SLC24A3: variants seen among roughly 807,000 people sequenced by gnomAD.
The protein encoded by SLC24A3 is sodium/potassium/calcium exchanger 3.
Under a neutral mutation model 75.8 loss-of-function variants are expected in SLC24A3, and 28 were observed. The observed-to-expected ratio is 0.37, with a 90% CI of 0.27 to 0.51. The LOEUF is 0.51. Ranked by LOEUF, SLC24A3 falls within the 20% of genes least tolerant of loss-of-function variation. SLC24A3 has a pLI of 0.94. For missense variants in SLC24A3, 663 were observed against 847.8 expected (o/e 0.78, Z 2.71); for synonymous variants, 372 against 334.1 (o/e 1.11, Z -1.24).
At chr20:19,281,328 G>A (rs890457321) in intron 2 of SLC24A3, among the ~76,000 whole-genome samples, 13 of 152,190 alleles carry the variant, frequency 8.5e-5, no homozygotes, top group African/African-American at 2.2e-4. Flanking sequence ...CTCCTGATGC[G>A]GTACTGAGAT....
At chr20:19,429,905 C>T (rs751428289) in intron 2 of SLC24A3, among the ~76,000 whole-genome samples, 6 of 152,084 alleles carry the variant, frequency 3.9e-5, no homozygotes, top group Admixed American at 1.3e-4. Context: ...TTTTTAATCT[C>T]GAGCTACAGT....
chr20:19,701,126 CA>C (rs2032866865), intron 15 of SLC24A3, among the ~76,000 whole-genome samples: 1 of 152,164 alleles, frequency 6.6e-6, no homozygotes, highest in Non-Finnish European at 1.5e-5. Context: ...TTGAGCCTTT[CA>C]CATGTCTGTC....
intron 2 of SLC24A3, among the ~76,000 whole-genome samples, chr20:19,396,470 C>G (rs887827572): frequency 2.0e-5 from 3 of 152,150 alleles, no homozygotes; most frequent in Non-Finnish European, 4.4e-5. Context: ...TCTTCAAAAT[C>G]TGATGTATAT....
At chr20:19,433,145 G>A (rs905836916) in intron 2 of SLC24A3, among the ~76,000 whole-genome samples, 3 of 152,138 alleles carry the variant, frequency 2.0e-5, no homozygotes, top group Non-Finnish European at 2.9e-5. Context: ...CCCTTTCTCC[G>A]CAATGTATCA....
chr20:19,552,374 C>A (rs976285976), intron 3 of SLC24A3, among the ~76,000 whole-genome samples: 1 of 152,224 alleles, frequency 6.6e-6, no homozygotes, highest in Non-Finnish European at 1.5e-5. Flanking sequence ...CGCCCAGCAA[C>A]TAGGGGAGAG....
At chr20:19,652,431 T>C (rs2032216511) in intron 6 of SLC24A3, among the ~76,000 whole-genome samples, 1 of 152,216 alleles carries the variant, frequency 6.6e-6, no homozygotes, top group African/African-American at 2.4e-5. Context: ...TTTAATCTAT[T>C]GCATAAATGG....
chr20:19,697,075 G>C (rs2032817681), intron 14 of SLC24A3, among the ~76,000 whole-genome samples, 164 bp downstream of exon 14: 1 of 151,700 alleles, frequency 6.6e-6, no homozygotes, highest in Non-Finnish European at 1.5e-5. Flanking sequence ...AGGAAGGAAG[G>C]GAGGAAGTCA....
intron 1 of SLC24A3, among the ~76,000 whole-genome samples, chr20:19,263,785 T>C (rs1983071295): frequency 6.6e-6 from 1 of 152,194 alleles, no homozygotes; most frequent in South Asian, 2.1e-4. Flanking sequence ...GGCCAAAGAA[T>C]AGGAAAAAGT....
intron 7 of SLC24A3, among the ~76,000 whole-genome samples, chr20:19,664,711 A>G (rs1470983989): frequency 1.3e-5 from 2 of 152,194 alleles, no homozygotes; most frequent in Admixed American, 1.3e-4. Context: ...CAGTCTGCAG[A>G]GGGCTGCTGC....
intron 2 of SLC24A3, among the ~76,000 whole-genome samples, chr20:19,460,014 AC>A (rs564759264): frequency 3.5e-4 from 53 of 152,166 alleles, no homozygotes; most frequent in Non-Finnish European, 7.3e-4. Flanking sequence ...GGATGCTGAT[AC>A]TGCTGGCCCG....
chr20:19,464,190 A>G (rs1339049359), intron 2 of SLC24A3, among the ~76,000 whole-genome samples: 1 of 152,112 alleles, frequency 6.6e-6, no homozygotes, highest in East Asian at 1.9e-4. Flanking sequence ...GGGCTTTCCT[A>G]TGTCTTCTTA....
At chr20:19,647,114 C>G (rs887495063) in intron 6 of SLC24A3, among the ~76,000 whole-genome samples, 5 of 152,054 alleles carry the variant, frequency 3.3e-5, no homozygotes, top group Non-Finnish European at 7.4e-5. Flanking sequence ...AACCAATGAC[C>G]GATGGAAGTG....
chr20:19,647,152 C>T (rs1031974886), intron 6 of SLC24A3, among the ~76,000 whole-genome samples: 1 of 152,134 alleles, frequency 6.6e-6, no homozygotes, highest in African/African-American at 2.4e-5. Flanking sequence ...GCTCCCTCTC[C>T]TCTCAGAGGC....
At position 19,281,059 on chromosome 20, in the gene SLC24A3, C is replaced by A. The variant is rs1645404349; in HGVS notation, c.243C>A (p.Leu81=). The A allele has an allele frequency of 6.2e-7, 1 of 1,614,170 alleles. No individual in the cohort carries two copies. Among genetic ancestry groups the A allele is most frequent in the Non-Finnish European group, 8.5e-7 (1 of 1,180,016 alleles). ...NDTLTSEDAG[L]RNSKNCTEPA... is the part of the protein sequence containing the mutation. ...CTCTGACTTCCGAAGATGCCGGACT[C>A]CGGAACAGCAAGAACTGCACCGAAC... Residue 81 remains leucine, a synonymous_variant, in exon 2 of 17, where the codon CTC becomes CTA. Coordinates refer to ENST00000328041, the MANE Select transcript of SLC24A3 (RefSeq NM_020689.4).
intron 6 of SLC24A3, among the ~76,000 whole-genome samples, chr20:19,633,313 T>G (rs1413299518): frequency 6.6e-6 from 1 of 152,232 alleles, no homozygotes; most frequent in African/African-American, 2.4e-5. Context: ...CTTCACATGA[T>G]CTTCACCTTG....
intron 3 of SLC24A3, among the ~76,000 whole-genome samples, chr20:19,550,721 C>T (rs573891385): frequency 6.6e-6 from 1 of 152,136 alleles, no homozygotes; most frequent in Non-Finnish European, 1.5e-5. Flanking sequence ...GAAAGGAAGC[C>T]TCTAAGTCTA....
chr20:19,260,408 A>C (rs1693127070), intron 1 of SLC24A3, among the ~76,000 whole-genome samples: 1 of 152,258 alleles, frequency 6.6e-6, no homozygotes, highest in Non-Finnish European at 1.5e-5. Context: ...TGAGGTCAGC[A>C]TACTCAGCAT....
At chr20:19,326,939 A>G (rs939383178) in intron 2 of SLC24A3, among the ~76,000 whole-genome samples, 6 of 152,192 alleles carry the variant, frequency 3.9e-5, no homozygotes, top group African/African-American at 1.4e-4. Context: ...AGATCCTGCC[A>G]ATAATTAGGT....
intron 2 of SLC24A3, among the ~76,000 whole-genome samples, chr20:19,367,967 G>C (rs1362668294): frequency 6.6e-6 from 1 of 152,230 alleles, no homozygotes; most frequent in African/African-American, 2.4e-5. Flanking sequence ...TATTAGCAGA[G>C]AGCATAATCT....
Sources: gnomAD v4.1 joint callset for allele counts (sites outside exome capture counted in the v4.1 genomes callset) on GRCh38, gnomAD v4.1.1 for gene constraint, MANE v1.5 for transcripts, NCBI Gene and HGNC (gene_info 2026-07-23, HGNC 2026-07-21) for gene names.